The following EPM2A variants were observed in gnomAD, a reference collection of about 807,000 sequenced individuals.
EPM2A encodes laforin.
A neutral mutation model predicts 26.5 loss-of-function variants in EPM2A; 21 were observed. That is an observed-to-expected ratio of 0.79 (90% CI 0.56 to 1.14). EPM2A has a LOEUF of 1.14. Among genes scored for constraint, EPM2A ranks in the 50% most tolerant of loss-of-function variants. The probability of loss-of-function intolerance (pLI) is 0.00; values close to 1 mark genes in which losing one functional copy is unlikely to be tolerated. For synonymous variants in EPM2A, 217 were observed against 177.6 expected, an observed-to-expected ratio of 1.22 and a Z score of -1.76; for missense variants, 458 against 440.8, an observed-to-expected ratio of 1.04 and a Z score of -0.35.
At chr6:145,496,070 G>A (rs1430242288) in intron 4 of EPM2A, among the ~76,000 whole-genome samples, 1 of 152,024 alleles carries the variant, frequency 6.6e-6, no homozygotes, top group African/African-American at 2.4e-5. Context: ...AGCTTAATTT[G>A]GGCAAATATG....
intron 1 of EPM2A, among the ~76,000 whole-genome samples, chr6:145,705,012 T>C (rs1782135703): frequency 6.6e-6 from 1 of 152,250 alleles, no homozygotes; most frequent in Non-Finnish European, 1.5e-5. Flanking sequence ...TGGAGTGTAT[T>C]CCAGTTTGAA....
intron 1 of EPM2A, among the ~76,000 whole-genome samples, chr6:145,712,900 C>A (rs1468537104): frequency 6.6e-6 from 1 of 152,072 alleles, no homozygotes; most frequent in Admixed American, 6.6e-5. Flanking sequence ...TAAAGGGCAC[C>A]AATTTTTCTT....
At position 145,430,980 on chromosome 6, in the gene EPM2A, T is replaced by C. The variant is rs182325739; in HGVS notation, c.556-46883A>G. On this transcript the variant is annotated intron_variant, in intron 4 of 4. Transcript: ENST00000638717. ...TTCCAGATATATCTCTTCTCCAATCTTCTTAACTTCAAACATCAGAGCTTA... is the reference window on the plus strand; with the variant it reads ...TTCCAGATATATCTCTTCTCCAATCCTCTTAACTTCAAACATCAGAGCTTA... Among the ~76,000 whole-genome samples, 800 of 152,290 alleles carry C rather than the reference T, an allele frequency of 5.3e-3. 3 individuals are homozygous for C. Among genetic ancestry groups the C allele is most frequent in the African/African-American group, 0.018 (768 of 41,552 alleles).
chr6:145,471,355 G>A (rs982438170), intron 4 of EPM2A, among the ~76,000 whole-genome samples: 2 of 152,042 alleles, frequency 1.3e-5, no homozygotes, highest in African/African-American at 4.8e-5. Flanking sequence ...TGGTGGAATA[G>A]AAAGCTCCAC....
At chr6:145,388,497 T>C (rs1479670510) in intron 4 of EPM2A, among the ~76,000 whole-genome samples, 1 of 152,154 alleles carries the variant, frequency 6.6e-6, no homozygotes, top group Non-Finnish European at 1.5e-5. Context: ...TTTTTTTTTA[T>C]TGTGAGATTG....
intron 2 of EPM2A, among the ~76,000 whole-genome samples, chr6:145,510,966 T>A (rs982659623): frequency 6.6e-5 from 10 of 152,174 alleles, no homozygotes; most frequent in African/African-American, 2.4e-4. Context: ...TATGAACATG[T>A]CTATGTGCAC....
chr6:145,434,806 C>T (rs996597052), intron 4 of EPM2A, among the ~76,000 whole-genome samples: 6 of 152,134 alleles, frequency 3.9e-5, no homozygotes, highest in African/African-American at 1.4e-4. Context: ...ACCACTGATA[C>T]AGTTTGGGAT....
chr6:145,653,469 G>A (rs2128580383), intron 2 of EPM2A, among the ~76,000 whole-genome samples: 1 of 152,272 alleles, frequency 6.6e-6, no homozygotes, highest in African/African-American at 2.4e-5. Context: ...AAATTAGCCA[G>A]TCTCAGGGAA....
intron 4 of EPM2A, among the ~76,000 whole-genome samples, chr6:145,409,177 A>C (rs757815848): frequency 2.6e-5 from 4 of 152,164 alleles, no homozygotes; most frequent in Non-Finnish European, 2.9e-5. Flanking sequence ...AAATAAATTG[A>C]TGCAAGCTGT....
At chr6:145,631,461 T>C (rs184573841) in intron 3 of EPM2A, 1 of 152,308 alleles carries the variant, frequency 6.6e-6, no homozygotes, top group Admixed American at 6.5e-5. Context: ...CAAGACATTC[T>C]ACCCTCTGAG....
Position 145,627,225 on chromosome 6 carries a change from TTGTA to T in EPM2A, c.*187_*190del, listed in dbSNP as rs1775873695. The T allele has an allele frequency of 2.0e-6, 3 of 1,476,432 alleles. No homozygotes were observed. In the South Asian group the frequency reaches 4.2e-5, roughly 21 times the overall value. 91.5% of individuals were successfully genotyped at this position (1,476,432 alleles called of 1,614,324 possible). ...TCTCATGTGTTGAGCCACAGCTTTC[TTGTA>T]GAGTATTTCAAAAATACAGCCCCAA... On this transcript the variant is annotated 3_prime_UTR_variant, in exon 4 of 4. Coordinates refer to ENST00000367519, the MANE Select transcript of EPM2A (RefSeq NM_005670.4).
intron 1 of EPM2A, among the ~76,000 whole-genome samples, chr6:145,727,076 T>C (rs1402044649): frequency 6.6e-6 from 1 of 152,086 alleles, no homozygotes; most frequent in African/African-American, 2.4e-5. Flanking sequence ...TATCATACCT[T>C]AAAATAATCC....
chr6:145,417,694 T>G (rs973263638), intron 4 of EPM2A, among the ~76,000 whole-genome samples: 6 of 152,168 alleles, frequency 3.9e-5, no homozygotes, highest in Non-Finnish European at 8.8e-5. Flanking sequence ...TTTTTCTGAA[T>G]ATAGACTTTT....
intron 2 of EPM2A, among the ~76,000 whole-genome samples, chr6:145,529,731 G>A (rs1231218256): frequency 6.6e-6 from 1 of 152,156 alleles, no homozygotes; most frequent in East Asian, 1.9e-4. Flanking sequence ...TGGCAACACA[G>A]AGCAGGCACT....
intron 1 of EPM2A, among the ~76,000 whole-genome samples, chr6:145,697,385 T>TCACAGGAC (rs1209636488): frequency 6.6e-6 from 1 of 152,068 alleles, no homozygotes; most frequent in African/African-American, 2.4e-5. Flanking sequence ...CAGGGCAAGA[T>TCACAGGAC]CACAGGACCA....
At chr6:145,690,521 GAAAAAAAAA>G (rs145052340) in intron 1 of EPM2A, among the ~76,000 whole-genome samples, 1 of 87,026 alleles carries the variant, frequency 1.1e-5, no homozygotes, top group East Asian at 3.6e-4. Flanking sequence ...CGTCTCAAAA[GAAAAAAAAA>G]AAAAAAAAAA....
chr6:145,416,019 C>T (rs1778703299), intron 4 of EPM2A, among the ~76,000 whole-genome samples: 1 of 152,136 alleles, frequency 6.6e-6, no homozygotes, highest in Non-Finnish European at 1.5e-5. Flanking sequence ...TGCTCTGGGC[C>T]CTGCAGCTGA....
At chr6:145,584,450 A>C (rs1781159604) in intron 2 of EPM2A, among the ~76,000 whole-genome samples, 1 of 152,190 alleles carries the variant, frequency 6.6e-6, no homozygotes, top group African/African-American at 2.4e-5. Context: ...CAGTCTTCCA[A>C]AGGCTAACGC....
chr6:145,518,801 G>A (rs1780165985), intron 2 of EPM2A, among the ~76,000 whole-genome samples: 1 of 152,076 alleles, frequency 6.6e-6, no homozygotes, highest in African/African-American at 2.4e-5. Flanking sequence ...GCTAAAGCCA[G>A]AACCCCAGAG....
Sources: allele counts gnomAD v4.1 joint callset (sites outside exome capture counted in the v4.1 genomes callset), GRCh38; gene constraint gnomAD v4.1.1; transcripts MANE v1.5; gene names NCBI Gene and HGNC (gene_info 2026-07-23, HGNC 2026-07-21).